B9D1: variants seen among roughly 807,000 people sequenced by gnomAD.
The protein encoded by B9D1 is B9 domain-containing protein 1.
Under a neutral mutation model 26.1 loss-of-function variants are expected in B9D1, and 20 were observed. That is an observed-to-expected ratio of 0.77 (90% CI 0.54 to 1.12). B9D1 has a LOEUF of 1.12. Ranked by LOEUF, B9D1 falls within the 50% of genes most tolerant of loss-of-function variation. B9D1 has a pLI of 0.00. For synonymous variants in B9D1, 105 were observed against 103.1 expected (o/e 1.02, Z -0.11); for missense variants, 260 against 273.7 (o/e 0.95, Z 0.35).
chr17:19,344,765 G>A (rs889563335), intron 5 of B9D1, among the ~76,000 whole-genome samples: 1 of 152,230 alleles, frequency 6.6e-6, no homozygotes, highest in East Asian at 1.9e-4. Context: ...CGGCTGCAGA[G>A]GGGCCCAGGC....
rs537162446 is a variant in B9D1 at position 19,373,947 on chromosome 17, T to C, written c.-298+3912A>G. ...CATTTGTCTACTCAAAAATCCTAGG[T>C]AGACATTTACATTAGTTCAGGGGCT... On this transcript the variant is annotated intron_variant, in intron 1 of 5. Coordinates refer to the B9D1 transcript ENST00000477478. Among the ~76,000 whole-genome samples, 4 of 152,340 alleles carry C rather than the reference T, an allele frequency of 2.6e-5. No homozygotes were observed. The South Asian group carries it at 8.3e-4, about 32-fold the overall frequency.
Position 19,359,875 on chromosome 17 carries a change from T to C in B9D1, c.132+445A>G, listed in dbSNP as rs1910819990. Among the ~76,000 whole-genome samples, 1 of 152,250 alleles carries C rather than the reference T, an allele frequency of 6.6e-6. No individual in the cohort carries two copies. The highest frequency in any genetic ancestry group is 2.1e-4 in the South Asian group (1 of 4,836). ...AGCAGAGCACAGAGCGGGCTGAAGT[T>C]GTCACCACAGTCCCTCACCTGGTGG... is the stretch of plus-strand genomic sequence containing the variant. On this transcript the variant is annotated intron_variant, in intron 2 of 6. Transcript: ENST00000261499. This position sits in a 1 kb window ranked among gnomAD's most constrained non-coding sequence, Gnocchi z 5.0.
intron 1 of B9D1, among the ~76,000 whole-genome samples, chr17:19,376,703 C>T (rs1439005308): frequency 6.9e-6 from 1 of 145,036 alleles, no homozygotes; most frequent in East Asian, 2.0e-4. Flanking sequence ...GAGGCTGAGG[C>T]AGGAGACCAG....
At chr17:19,337,841 A>C, downstream of B9D1, 1 of 510,292 alleles carries the variant, frequency 2.0e-6, no homozygotes, top group Non-Finnish European at 3.4e-6. Context: ...TGCCAGAATT[A>C]GGCCCTCGGC....
At chr17:19,353,363 C>T (rs757845147) in intron 3 of B9D1, among the ~76,000 whole-genome samples, 13 of 151,952 alleles carry the variant, frequency 8.6e-5, no homozygotes, top group South Asian at 2.1e-4. Flanking sequence ...ATTGGTCAGG[C>T]GCAGTGCCTC....
At chr17:19,360,257 T>C in intron 2 of B9D1, 63 bp downstream of exon 2, 1 of 1,470,996 alleles carries the variant, frequency 6.8e-7, no homozygotes, top group Non-Finnish European at 9.5e-7. Context: ...GGGAAGGATA[T>C]GACACCTTCA....
intron 1 of B9D1, among the ~76,000 whole-genome samples, chr17:19,375,892 C>A (rs889984135): frequency 6.6e-6 from 1 of 152,186 alleles, no homozygotes; most frequent in Non-Finnish European, 1.5e-5. Flanking sequence ...AGCAATCCCA[C>A]TCCCAAGAGA....
At chr17:19,345,880 A>AT (rs1460416581) in intron 5 of B9D1, among the ~76,000 whole-genome samples, 3 of 152,220 alleles carry the variant, frequency 2.0e-5, no homozygotes, top group African/African-American at 7.2e-5. Context: ...AGGAGCCTCC[A>AT]TATCTGGGAA....
Position 19,357,857 on chromosome 17 carries a change from C to T in B9D1, c.227G>A (p.Ser76Asn). The T allele has an allele frequency of 6.2e-7, 1 of 1,613,928 alleles. No individual in the cohort carries two copies. The change falls in exon 3 of 7, where the codon AGC becomes AAC. Residue 76 changes from serine (S) to asparagine (N), a missense_variant. Transcript: ENST00000261499. The part of the protein sequence containing the change: ...WNFPIDVTFK[S>N]TNPYGWPQIV... ...AGACTCACAGCCGTAGGGGTTGGTG[C>T]TTTTAAAGGTGACATCAATGGGGAA...
At chr17:19,351,676 T>A (rs1909627295) in intron 3 of B9D1, among the ~76,000 whole-genome samples, 1 of 152,238 alleles carries the variant, frequency 6.6e-6, no homozygotes, top group Non-Finnish European at 1.5e-5. Flanking sequence ...AGAACATTTT[T>A]AATTATAGAT....
intron 3 of B9D1, 128 bp downstream of exon 3, chr17:19,357,712 G>C: frequency 1.3e-6 from 1 of 753,678 alleles, no homozygotes; most frequent in Non-Finnish European, 2.4e-6. Flanking sequence ...AGAACGTTGA[G>C]GGCTGCTTCA....
At chr17:19,341,050 A>G (rs529258023), downstream of B9D1, 552 of 1,020,072 alleles carry the variant, frequency 5.4e-4, 2 homozygotes, top group Non-Finnish European at 4.1e-4. Context: ...GGTGGTGGGT[A>G]TGTGGTGTTC....
chr17:19,346,882 A>T (rs1191656091), intron 5 of B9D1: 2 of 1,407,702 alleles, frequency 1.4e-6, no homozygotes, highest in African/African-American at 2.9e-5. Context: ...AGCTCCGGCC[A>T]GAGACTCCCA....
At position 19,362,580 on chromosome 17, in the gene B9D1, G is replaced by C. The variant is rs1222467442; in HGVS notation, c.-11C>G. 1 of 1,587,260 alleles carries C rather than the reference G, an allele frequency of 6.3e-7. No individual in the cohort carries two copies. The highest frequency in any genetic ancestry group is 1.8e-5 in the Admixed American group (1 of 56,792). ...ACTCGCGGTCGCCATGGCAGGTCTG[G>C]GGGTGCCGGGGGGACCCACCTAGGC... is the stretch of plus-strand genomic sequence containing the variant. On this transcript the variant is annotated 5_prime_UTR_variant, in exon 1 of 7. Transcript: ENST00000261499.
downstream of B9D1, chr17:19,336,521 T>C (rs1907462168): frequency 6.6e-6 from 1 of 152,656 alleles, no homozygotes; most frequent in African/African-American, 2.4e-5. Context: ...TGTTGCCCAC[T>C]GCACTGATCA....
chr17:19,347,424 T>C lies in B9D1; in HGVS notation c.342-93A>G. 6.8e-7 allele frequency: 1 copy of C among 1,473,200 alleles called. No individual in the cohort carries two copies. The highest frequency in any genetic ancestry group is 9.4e-7 in the Non-Finnish European group (1 of 1,058,650). 91.3% of individuals were successfully genotyped at this position (1,473,200 alleles called of 1,614,324 possible). A position where few individuals can be genotyped will look rare whatever the true frequency, so the allele number is the denominator to read the frequency against. On this transcript the variant is annotated intron_variant, in intron 4 of 6. Transcript: ENST00000261499. This position sits in a 1 kb window ranked among gnomAD's most constrained non-coding sequence, Gnocchi z 4.3. ...AACCCTCAGATCAGGCCAGTGCAGC[T>C]GCAGCGTGGGCCAAGTCAGGGCCAA...
rs1908994710 is a variant in B9D1 at position 19,347,538 on chromosome 17, G to A, written c.342-207C>T. Reference sequence around the variant, plus strand: ...AGGAGACAGCCTCATGGAGGTCAGAGTCCCTCAGGGTCTTTTCTTTTCTGG... The same window carrying A: ...AGGAGACAGCCTCATGGAGGTCAGAATCCCTCAGGGTCTTTTCTTTTCTGG... On this transcript the variant is annotated intron_variant, in intron 4 of 6. Transcript: ENST00000261499. This position sits in a 1 kb window ranked among gnomAD's most constrained non-coding sequence, Gnocchi z 4.3. Among the ~76,000 whole-genome samples, 1 of 152,218 alleles carries A rather than the reference G, an allele frequency of 6.6e-6. No homozygotes were observed. Among genetic ancestry groups the A allele is most frequent in the Admixed American group, 6.5e-5 (1 of 15,282 alleles).
downstream of B9D1, chr17:19,343,074 G>C (rs1908160874): frequency 5.5e-5 from 77 of 1,404,078 alleles, no homozygotes; most frequent in Non-Finnish European, 6.9e-5. Context: ...AAGGGGTAGG[G>C]ACAGGGAGAG....
At chr17:19,337,528 A>G (rs1369659544), downstream of B9D1, 16 of 554,350 alleles carry the variant, frequency 2.9e-5, no homozygotes, top group Non-Finnish European at 4.6e-5. Flanking sequence ...AGCTTGACTC[A>G]GAGCTAGGAG....
Sources: allele counts gnomAD v4.1 joint callset (sites outside exome capture counted in the v4.1 genomes callset), GRCh38; gene constraint gnomAD v4.1.1; non-coding constraint Gnocchi (gnomAD v3.1); transcripts MANE v1.5; gene names NCBI Gene and HGNC (gene_info 2026-07-23, HGNC 2026-07-21).